RABGAP1L: variants seen among roughly 807,000 people sequenced by gnomAD.
RABGAP1L encodes the protein rab GTPase-activating protein 1-like.
RABGAP1L carries 63 observed loss-of-function variants against 137.7 expected under a neutral mutation model. That is an observed-to-expected ratio of 0.46 (90% CI 0.37 to 0.56). RABGAP1L has a LOEUF of 0.56. RABGAP1L is among the 20% of genes least tolerant of loss of function. The probability of loss-of-function intolerance (pLI) is 0.00; values close to 1 mark genes in which losing one functional copy is unlikely to be tolerated. For missense variants in RABGAP1L, 1,095 were observed against 1,244.0 expected (o/e 0.88, Z 1.80); for synonymous variants, 431 against 433.7 (o/e 0.99, Z 0.08).
intron 19 of RABGAP1L, among the ~76,000 whole-genome samples, chr1:174,948,210 A>C (rs2149316176): frequency 6.6e-6 from 1 of 152,238 alleles, no homozygotes; most frequent in African/African-American, 2.4e-5. Context: ...TTAATTGTAC[A>C]TTTAAAAATA....
intron 17 of RABGAP1L, among the ~76,000 whole-genome samples, chr1:174,731,768 A>G (rs1462281628): frequency 2.0e-5 from 3 of 152,244 alleles, no homozygotes; most frequent in Non-Finnish European, 4.4e-5. Context: ...AGACTGTGTC[A>G]TGGTAATGCT....
At chr1:174,711,965 A>G (rs953097900) in intron 17 of RABGAP1L, among the ~76,000 whole-genome samples, 5 of 152,212 alleles carry the variant, frequency 3.3e-5, no homozygotes, top group Non-Finnish European at 5.9e-5. Context: ...AAACACACCA[A>G]TCAGTGCTCT....
chr1:174,846,396 G>A (rs1694052498), intron 19 of RABGAP1L, among the ~76,000 whole-genome samples: 1 of 151,366 alleles, frequency 6.6e-6, no homozygotes, highest in African/African-American at 2.4e-5. Flanking sequence ...ACACTGCTTT[G>A]AATGCCTCCC....
intron 17 of RABGAP1L, among the ~76,000 whole-genome samples, chr1:174,748,163 C>G (rs1684039431): frequency 6.6e-6 from 1 of 151,998 alleles, no homozygotes; most frequent in Non-Finnish European, 1.5e-5. Context: ...TCTTGGACAG[C>G]TTGGTTGTCT....
chr1:174,782,597 AG>A (rs1453821393), intron 18 of RABGAP1L, among the ~76,000 whole-genome samples: 2 of 152,154 alleles, frequency 1.3e-5, no homozygotes, highest in African/African-American at 4.8e-5. Context: ...TCTTCTCTGG[AG>A]GAGCTCTGCA....
intron 19 of RABGAP1L, among the ~76,000 whole-genome samples, chr1:174,879,908 A>G (rs1054047495): frequency 3.3e-5 from 5 of 152,136 alleles, no homozygotes; most frequent in Non-Finnish European, 7.4e-5. Flanking sequence ...CCTGGCCAAC[A>G]TGGTGAAACC....
chr1:174,882,412 A>G (rs972451908), intron 19 of RABGAP1L, among the ~76,000 whole-genome samples: 2 of 152,158 alleles, frequency 1.3e-5, no homozygotes, highest in Non-Finnish European at 2.9e-5. Flanking sequence ...TTTGGTAGGA[A>G]TCTGTAGTAA....
At chr1:174,355,468 TG>T (rs1180450257) in intron 11 of RABGAP1L, among the ~76,000 whole-genome samples, 1 of 93,654 alleles carries the variant, frequency 1.1e-5, no homozygotes, top group East Asian at 2.9e-4. Flanking sequence ...TGTTGTGGGG[TG>T]GGGGGAGTGG....
At chr1:174,375,162 ATAT>A (rs1685416189) in intron 12 of RABGAP1L, among the ~76,000 whole-genome samples, 1 of 152,050 alleles carries the variant, frequency 6.6e-6, no homozygotes, top group South Asian at 2.1e-4. Flanking sequence ...ATGGCAGTTA[ATAT>A]TCTAAAACTA....
chr1:174,655,234 A>C (rs1199902661), intron 14 of RABGAP1L, among the ~76,000 whole-genome samples: 1 of 152,134 alleles, frequency 6.6e-6, no homozygotes, highest in African/African-American at 2.4e-5. Flanking sequence ...TAATCATCCA[A>C]ATGTTCTTGA....
In RABGAP1L at chr1:174,219,211, T is replaced by C; in HGVS notation, c.54T>C (p.Ala18=). Residue 18 remains alanine, a synonymous_variant, in exon 2 of 26, where the codon GCT becomes GCC. Transcript: ENST00000681986. ...QKVSGSSDSV[A]TMNSEEFVLV... The stretch of plus-strand genomic sequence containing the variant: ...TTAGTGGATCATCTGATTCTGTGGC[T>C]ACAATGAACAGTGAAGAATTTGTTT... 1.9e-6 allele frequency: 3 copies of C among 1,604,176 alleles called. No individual in the cohort carries two copies. In the South Asian group the frequency reaches 3.4e-5, roughly 18 times the overall value.
chr1:174,963,115 T>C (rs1346601600), intron 20 of RABGAP1L, among the ~76,000 whole-genome samples: 2 of 152,064 alleles, frequency 1.3e-5, no homozygotes. Flanking sequence ...AAAAAAAATT[T>C]TTTTTCTGCC....
chr1:174,932,813 A>T (rs1329097367), intron 19 of RABGAP1L, among the ~76,000 whole-genome samples: 1 of 152,046 alleles, frequency 6.6e-6, no homozygotes, highest in Non-Finnish European at 1.5e-5. Context: ...CTCCTTCAGG[A>T]TGGCTTTTGT....
At chr1:174,848,895 G>A (rs1373358119) in intron 19 of RABGAP1L, among the ~76,000 whole-genome samples, 1 of 150,994 alleles carries the variant, frequency 6.6e-6, no homozygotes, top group Non-Finnish European at 1.5e-5. Flanking sequence ...GTGGGCGTAG[G>A]ACCCTCCGAG....
chr1:174,707,820 A>G (rs1366424260), intron 17 of RABGAP1L, among the ~76,000 whole-genome samples: 1 of 152,174 alleles, frequency 6.6e-6, no homozygotes, highest in Non-Finnish European at 1.5e-5. Context: ...TTCTTTGGTA[A>G]AAGCAAAATT....
chr1:174,635,710 T>A (rs1673959739), intron 13 of RABGAP1L, among the ~76,000 whole-genome samples: 2 of 152,216 alleles, frequency 1.3e-5, no homozygotes, highest in South Asian at 4.1e-4. Flanking sequence ...GATCGATTTG[T>A]AATATGTTCA....
chr1:174,342,351 A>G (rs905751577), intron 11 of RABGAP1L, among the ~76,000 whole-genome samples: 6 of 152,060 alleles, frequency 3.9e-5, no homozygotes, highest in East Asian at 1.9e-4. Flanking sequence ...AGCATTTTCT[A>G]TTTTTCCCTA....
chr1:174,279,080 CT>C (rs1675265505), intron 10 of RABGAP1L, among the ~76,000 whole-genome samples: 1 of 152,100 alleles, frequency 6.6e-6, no homozygotes, highest in East Asian at 1.9e-4. Flanking sequence ...TAAACAATTA[CT>C]TAAAACCAAA....
At chr1:174,617,593 G>A (rs906962886) in intron 13 of RABGAP1L, among the ~76,000 whole-genome samples, 3 of 152,170 alleles carry the variant, frequency 2.0e-5, no homozygotes, top group Non-Finnish European at 2.9e-5. Context: ...TATGTTAATG[G>A]AAATGTGCTG....
Sources: allele counts gnomAD v4.1 joint callset (sites outside exome capture counted in the v4.1 genomes callset), GRCh38; gene constraint gnomAD v4.1.1; transcripts MANE v1.5; gene names NCBI Gene and HGNC (gene_info 2026-07-23, HGNC 2026-07-21).